Variants in FMN1 observed in about 807,000 individuals in gnomAD.
FMN1 encodes formin-1.
Under a neutral mutation model 132.4 loss-of-function variants are expected in FMN1, and 110 were observed. The observed-to-expected ratio is 0.83, with a 90% CI of 0.71 to 0.97. FMN1 has a LOEUF of 0.97. Among genes scored for constraint, FMN1 ranks in the 50% least tolerant of loss-of-function variants. The pLI, the probability that FMN1 is intolerant of heterozygous loss-of-function variation, is 0.00. For synonymous variants in FMN1, 722 were observed against 651.7 expected (o/e 1.11, Z -1.64); for missense variants, 1,792 against 1,705.3 (o/e 1.05, Z -0.90).
chr15:33,193,829 T>G (rs1966167225), intron 2 of FMN1, 80 bp downstream of exon 2: 2 of 151,478 alleles, frequency 1.3e-5, no homozygotes, highest in Admixed American at 1.3e-4. Flanking sequence ...AATGAGGGCT[T>G]GGCTCTGGCC....
At chr15:32,885,292 C>T (rs1290460991) in intron 16 of FMN1, among the ~76,000 whole-genome samples, 5 of 152,114 alleles carry the variant, frequency 3.3e-5, no homozygotes, top group Admixed American at 2.0e-4. Flanking sequence ...TGTGTGCACA[C>T]GTGTGCATGC....
At chr15:32,946,009 G>C (rs1301583434) in intron 9 of FMN1, among the ~76,000 whole-genome samples, 2 of 152,146 alleles carry the variant, frequency 1.3e-5, no homozygotes, top group Non-Finnish European at 2.9e-5. Flanking sequence ...TGATATGTAA[G>C]TGCCATATTG....
intron 4 of FMN1, among the ~76,000 whole-genome samples, chr15:33,134,005 G>A (rs1438341570): frequency 6.6e-6 from 1 of 152,156 alleles, no homozygotes. Context: ...CCAGGCTGGA[G>A]TGCAGTGGCA....
chr15:33,068,081 T>G, intron 5 of FMN1: 1 of 1,375,048 alleles, frequency 7.3e-7, no homozygotes, highest in East Asian at 2.6e-5. Context: ...GATGATGTGT[T>G]CCAGGGCAAC....
chr15:33,017,652 T>C (rs1277735408), intron 6 of FMN1, among the ~76,000 whole-genome samples: 1 of 152,164 alleles, frequency 6.6e-6, no homozygotes, highest in African/African-American at 2.4e-5. Context: ...ATTCAACACA[T>C]AAGAATTTCT....
chr15:32,800,940 A>G (rs2057457296), intron 18 of FMN1, among the ~76,000 whole-genome samples: 1 of 152,214 alleles, frequency 6.6e-6, no homozygotes, highest in Non-Finnish European at 1.5e-5. Context: ...CCTTCTATAC[A>G]GATACATATT....
At chr15:32,967,306 A>T (rs16962231) in intron 8 of FMN1, among the ~76,000 whole-genome samples, 6,768 of 152,206 alleles carry the variant, frequency 0.044, 217 homozygotes, top group Middle Eastern at 0.11. Flanking sequence ...GTTGCTCATG[A>T]AGTCTCTCAG....
intron 6 of FMN1, among the ~76,000 whole-genome samples, chr15:33,015,256 C>T (rs1421789919): frequency 1.3e-5 from 2 of 152,158 alleles, no homozygotes; most frequent in African/African-American, 4.8e-5. Flanking sequence ...ATCCTATTAC[C>T]AGAATCACTC....
chr15:32,965,722 TCTC>T (rs747908592), intron 8 of FMN1, among the ~76,000 whole-genome samples: 3 of 152,144 alleles, frequency 2.0e-5, no homozygotes, highest in Admixed American at 1.3e-4. Context: ...TCACCTCTTC[TCTC>T]CTCTACTTTT....
intron 6 of FMN1, among the ~76,000 whole-genome samples, chr15:33,056,793 A>T (rs771883978): frequency 5.9e-5 from 9 of 152,244 alleles, no homozygotes; most frequent in Non-Finnish European, 1.3e-4. Flanking sequence ...AACTACAGGT[A>T]CATGTAGCAA....
chr15:32,814,446 T>C (rs1331025199), intron 17 of FMN1, among the ~76,000 whole-genome samples: 1 of 152,218 alleles, frequency 6.6e-6, no homozygotes, highest in Non-Finnish European at 1.5e-5. Flanking sequence ...TATACAATAC[T>C]TTAGAAGTAT....
chr15:32,882,326 CA>C (rs772620798), intron 16 of FMN1, among the ~76,000 whole-genome samples: 1 of 152,166 alleles, frequency 6.6e-6, no homozygotes, highest in African/African-American at 2.4e-5. Context: ...AAGTAACTTC[CA>C]CTTCCTTACT....
Position 32,908,544 on chromosome 15 carries a change from T to A in FMN1, c.3323A>T (p.Lys1108Met). ...TTCTTCTTTGGATGTCTCGTAATAC[T>A]TTCTTATTTTAACCAGCTCATCCTC... ...AQEDELVKIRKYYETSKEEEL... is the reference protein window; with the variant it reads ...AQEDELVKIRMYYETSKEEEL... The change falls in exon 12 of 21, where the codon AAG (lysine) becomes ATG (methionine). Residue 1108 changes from lysine to methionine, a missense_variant. This residue lies in a region of FMN1 where 1,150 missense variants were observed against 1,043.1 expected (regional missense o/e 1.10). Coordinates refer to ENST00000616417, the MANE Select transcript of FMN1 (RefSeq NM_001277313.2). The A allele has an allele frequency of 6.2e-7, 1 of 1,611,586 alleles. No homozygotes were observed. The highest frequency in any genetic ancestry group is 8.5e-7 in the Non-Finnish European group (1 of 1,178,560).
chr15:32,835,755 C>G (rs2058608433), intron 17 of FMN1, among the ~76,000 whole-genome samples: 1 of 152,048 alleles, frequency 6.6e-6, no homozygotes, highest in African/African-American at 2.4e-5. Context: ...CTGTGTGGTA[C>G]AAAATGGGAA....
At chr15:33,013,106 C>A (rs966315446) in intron 6 of FMN1, 3 of 409,602 alleles carry the variant, frequency 7.3e-6, no homozygotes, top group Admixed American at 2.8e-5. Context: ...GAGAGTAGAG[C>A]CAGAGAAGTG....
chr15:32,871,911 G>A (rs2059524835), intron 16 of FMN1, among the ~76,000 whole-genome samples: 3 of 152,116 alleles, frequency 2.0e-5, no homozygotes. Flanking sequence ...ACAGTAAGAG[G>A]ACCATCCATC....
intron 4 of FMN1, among the ~76,000 whole-genome samples, chr15:33,112,741 G>C (rs999547901): frequency 6.6e-6 from 1 of 152,146 alleles, no homozygotes; most frequent in Non-Finnish European, 1.5e-5. Context: ...CAGAATTTTA[G>C]GATATTTTCC....
chr15:32,845,960 GAA>G (rs59947437), intron 17 of FMN1, among the ~76,000 whole-genome samples: 5 of 145,230 alleles, frequency 3.4e-5, no homozygotes, highest in Admixed American at 6.8e-5. Flanking sequence ...TTACAGACAA[GAA>G]AAAAAAAAAG....
chr15:33,096,522 T>TCCA (rs1191647150), intron 4 of FMN1, among the ~76,000 whole-genome samples: 1 of 152,062 alleles, frequency 6.6e-6, no homozygotes, highest in East Asian at 1.9e-4. Flanking sequence ...TCTCCCTTCC[T>TCCA]CCACCAGTCA....
Sources: gnomAD v4.1 joint callset for allele counts (sites outside exome capture counted in the v4.1 genomes callset) on GRCh38, gnomAD v4.1.1 for gene constraint, gnomAD v4.1.1 regional missense constraint, MANE v1.5 for transcripts, NCBI Gene and HGNC (gene_info 2026-07-23, HGNC 2026-07-21) for gene names.